GPC5: variants seen among roughly 807,000 people sequenced by gnomAD.
The protein encoded by GPC5 is glypican 5.
A neutral mutation model predicts 53.9 loss-of-function variants in GPC5; 47 were observed. That is an observed-to-expected ratio of 0.87 (90% CI 0.69 to 1.11). The LOEUF (loss-of-function observed/expected upper bound fraction) is 1.11. Ranked by LOEUF, GPC5 falls within the 50% of genes most tolerant of loss-of-function variation. The probability of loss-of-function intolerance (pLI) is 0.00; values close to 1 mark genes in which losing one functional copy is unlikely to be tolerated. For synonymous variants in GPC5, 286 were observed against 263.3 expected, an observed-to-expected ratio of 1.09 and a Z score of -0.84; for missense variants, 748 against 713.1, an observed-to-expected ratio of 1.05 and a Z score of -0.56.
chr13:92,070,471 T>C (rs1215147142), intron 6 of GPC5, among the ~76,000 whole-genome samples: 10 of 152,222 alleles, frequency 6.6e-5, no homozygotes, highest in Admixed American at 6.5e-4. Flanking sequence ...ACTCAAATGT[T>C]CTATTAAATG....
chr13:91,510,222 G>T (rs1223600618), intron 2 of GPC5, among the ~76,000 whole-genome samples: 1 of 151,800 alleles, frequency 6.6e-6, no homozygotes, highest in African/African-American at 2.4e-5. Flanking sequence ...CATTTGTATT[G>T]TGCAATCATT....
intron 7 of GPC5, among the ~76,000 whole-genome samples, chr13:92,496,618 C>T (rs1035033886): frequency 1.3e-5 from 2 of 152,162 alleles, no homozygotes; most frequent in African/African-American, 2.4e-5. Flanking sequence ...AGCAGCCATA[C>T]TAGTCTTGGG....
At chr13:91,887,076 C>G (rs1259721398) in intron 5 of GPC5, among the ~76,000 whole-genome samples, 1 of 152,194 alleles carries the variant, frequency 6.6e-6, no homozygotes, top group East Asian at 1.9e-4. Context: ...TGCCCCCCAA[C>G]AGCAAACTTC....
intron 6 of GPC5, among the ~76,000 whole-genome samples, chr13:92,100,238 C>A (rs1020225019): frequency 4.6e-5 from 7 of 152,018 alleles, no homozygotes; most frequent in African/African-American, 1.7e-4. Flanking sequence ...CCCTGTCTCT[C>A]CTAAAAATAC....
At chr13:91,563,886 C>A (rs553309811) in intron 2 of GPC5, among the ~76,000 whole-genome samples, 2 of 151,996 alleles carry the variant, frequency 1.3e-5, no homozygotes, top group Non-Finnish European at 2.9e-5. Context: ...CCCGGAGGAC[C>A]GGGGAGGAGG....
chr13:91,577,721 G>T (rs1461323056), intron 2 of GPC5, among the ~76,000 whole-genome samples: 1 of 152,066 alleles, frequency 6.6e-6, no homozygotes, highest in Non-Finnish European at 1.5e-5. Flanking sequence ...TGTTACTATG[G>T]ACTTCTCAAA....
At chr13:92,674,007 G>A (rs1886843976) in intron 7 of GPC5, among the ~76,000 whole-genome samples, 2 of 152,156 alleles carry the variant, frequency 1.3e-5, no homozygotes, top group Admixed American at 6.5e-5. Flanking sequence ...ACTTCCAGAA[G>A]GTGGAACATA....
At chr13:91,797,857 C>T (rs562702078) in intron 5 of GPC5, among the ~76,000 whole-genome samples, 2 of 152,144 alleles carry the variant, frequency 1.3e-5, no homozygotes, top group Non-Finnish European at 2.9e-5. Flanking sequence ...ATCAAAAGAG[C>T]ACCGTGAGAT....
Position 92,576,459 on chromosome 13 carries a change from T to A in GPC5, c.1562-289823T>A, listed in dbSNP as rs566521712. Among the ~76,000 whole-genome samples the A allele has an allele frequency of 5.3e-5, 8 of 152,256 alleles. No individual in the cohort carries two copies. In the East Asian group the frequency reaches 1.5e-3, roughly 29 times the overall value. On this transcript the variant is annotated intron_variant, in intron 7 of 7. Coordinates refer to ENST00000377067, the MANE Select transcript of GPC5 (RefSeq NM_004466.6). The stretch of plus-strand genomic sequence containing the variant: ...CTGCAATAAGTTCCCTGTACATGCA[T>A]CAAGTTTTACAAATGAGAAGCTGTG...
chr13:92,116,745 A>G (rs1295548491), intron 6 of GPC5, among the ~76,000 whole-genome samples: 1 of 152,212 alleles, frequency 6.6e-6, no homozygotes, highest in Non-Finnish European at 1.5e-5. Flanking sequence ...TTTCTCCATT[A>G]TGACAGTATG....
At chr13:92,498,131 AGGAATGAAAGGAACTAAAGTACACTT>A (rs1880044230) in intron 7 of GPC5, among the ~76,000 whole-genome samples, 1 of 152,104 alleles carries the variant, frequency 6.6e-6, no homozygotes, top group Admixed American at 6.5e-5. Flanking sequence ...TACTTAGGGC[AGGAATGAAAGGAACTAAAGTACACTT>A]GGAAGAGGGC....
chr13:91,454,933 G>T (rs923335122), intron 2 of GPC5, among the ~76,000 whole-genome samples: 3 of 152,006 alleles, frequency 2.0e-5, no homozygotes, highest in African/African-American at 7.2e-5. Flanking sequence ...TATGCAGAGG[G>T]AATCATAGAA....
intron 2 of GPC5, among the ~76,000 whole-genome samples, chr13:91,557,607 T>A (rs1470719206): frequency 6.6e-6 from 1 of 152,154 alleles, no homozygotes; most frequent in African/African-American, 2.4e-5. Context: ...TTGACTCCAA[T>A]TCTCTACTGA....
intron 2 of GPC5, among the ~76,000 whole-genome samples, chr13:91,478,940 G>A (rs1883152349): frequency 7.9e-6 from 1 of 126,762 alleles, no homozygotes; most frequent in Non-Finnish European, 1.7e-5. Context: ...TTTAGATGCA[G>A]TCTTGTTCTG....
At chr13:92,474,286 T>C in intron 7 of GPC5, among the ~76,000 whole-genome samples, 1 of 152,034 alleles carries the variant, frequency 6.6e-6, no homozygotes. Context: ...GCATAGATTG[T>C]AATAGGCCCA....
intron 2 of GPC5, among the ~76,000 whole-genome samples, chr13:91,667,714 G>A (rs2035149593): frequency 6.6e-6 from 1 of 152,164 alleles, no homozygotes; most frequent in South Asian, 2.1e-4. Flanking sequence ...CCAGCTTTAG[G>A]TTCAGGTCTG....
intron 7 of GPC5, among the ~76,000 whole-genome samples, chr13:92,164,458 C>A (rs922247365): frequency 6.6e-6 from 1 of 152,170 alleles, no homozygotes; most frequent in South Asian, 2.1e-4. Flanking sequence ...TCTTAAAATT[C>A]CAAAATGTTC....
In GPC5 at chr13:91,950,479, T is replaced by G. The variant is rs948897000; in HGVS notation, c.1401+42422T>G. On this transcript the variant is annotated intron_variant, in intron 6 of 7. Coordinates refer to ENST00000377067, the MANE Select transcript of GPC5 (RefSeq NM_004466.6). ...TTTTATTACTCTACCTTCTGTGCTG[T>G]CTAAGCACTTGGCTCAGAATGAGAG... Among the ~76,000 whole-genome samples the G allele has an allele frequency of 2.6e-5, 4 of 152,190 alleles. No homozygotes were observed. In the South Asian group the frequency reaches 8.3e-4, roughly 32 times the overall value.
chr13:91,593,521 G>T (rs552337755), intron 2 of GPC5, among the ~76,000 whole-genome samples: 2 of 152,076 alleles, frequency 1.3e-5, no homozygotes, highest in Non-Finnish European at 2.9e-5. Context: ...CCCACTGTGT[G>T]TGCCTGGCTT....
Sources: gnomAD v4.1 joint callset for allele counts (sites outside exome capture counted in the v4.1 genomes callset) on GRCh38, gnomAD v4.1.1 for gene constraint, MANE v1.5 for transcripts, NCBI Gene and HGNC (gene_info 2026-07-23, HGNC 2026-07-21) for gene names.